PDE1C: variants seen among roughly 807,000 people sequenced by gnomAD.
The protein encoded by PDE1C is dual specificity calcium/calmodulin-dependent 3',5'-cyclic nucleotide phosphodiesterase 1C.
PDE1C carries 62 observed loss-of-function variants against 93.1 expected under a neutral mutation model. The observed-to-expected ratio is 0.67, with a 90% CI of 0.54 to 0.82. The LOEUF is 0.82. Ranked by LOEUF, PDE1C falls within the 40% of genes least tolerant of loss-of-function variation. PDE1C has a pLI of 0.00. For missense variants in PDE1C, 742 were observed against 884.6 expected (o/e 0.84, Z 2.04); for synonymous variants, 325 against 310.1 (o/e 1.05, Z -0.50).
At chr7:31,901,360 A>G (rs1027477846) in intron 2 of PDE1C, among the ~76,000 whole-genome samples, 1 of 151,524 alleles carries the variant, frequency 6.6e-6, no homozygotes, top group African/African-American at 2.4e-5. Context: ...TAACATTTAA[A>G]AATATAAAGA....
At chr7:31,924,957 T>C (rs1440051683) in intron 2 of PDE1C, among the ~76,000 whole-genome samples, 1 of 152,164 alleles carries the variant, frequency 6.6e-6, no homozygotes, top group Non-Finnish European at 1.5e-5. Flanking sequence ...ATCTCAAATA[T>C]ATGGCTCAAC....
chr7:32,011,041 T>G lies in PDE1C; in HGVS notation c.128+40513A>C, dbSNP rs550165495. 2.6e-5 allele frequency among the ~76,000 whole-genome samples: 4 copies of G among 152,270 alleles called. No individual in the cohort carries two copies. The East Asian group carries it at 7.7e-4, about 29-fold the overall frequency. The stretch of plus-strand genomic sequence containing the variant: ...AAGAAACTAATAAGCTGGACTTTAT[T>G]AAAATTAAGAATGTTATACTCTTCA... On this transcript the variant is annotated intron_variant, in intron 2 of 17. Transcript: ENST00000396191.
At position 32,193,857 on chromosome 7, in the gene PDE1C, C is replaced by T. The variant is rs1584936792; in HGVS notation, c.136+15632G>A. On this transcript the variant is annotated intron_variant, in intron 2 of 18. Transcript: ENST00000396193. Reference sequence around the variant, plus strand: ...AGAGTTATAAGGCTATTCAAATTATCTACTTCACATTGGATGAGTTTTGGT... The same window carrying T: ...AGAGTTATAAGGCTATTCAAATTATTTACTTCACATTGGATGAGTTTTGGT... 1.4e-5 allele frequency among the ~76,000 whole-genome samples: 2 copies of T among 147,380 alleles called. 1 individual carries two copies. Among genetic ancestry groups the T allele is most frequent in the South Asian group, 4.3e-4 (2 of 4,654 alleles).
intron 2 of PDE1C, among the ~76,000 whole-genome samples, chr7:32,182,057 G>T (rs557806197): frequency 6.6e-6 from 1 of 152,236 alleles, no homozygotes; most frequent in East Asian, 1.9e-4. Flanking sequence ...TAGAAGAAAT[G>T]GATAAATTCC....
At chr7:32,163,865 G>C (rs918096372) in intron 3 of PDE1C, among the ~76,000 whole-genome samples, 1 of 152,104 alleles carries the variant, frequency 6.6e-6, no homozygotes, top group Non-Finnish European at 1.5e-5. Flanking sequence ...GGGTGTAGAG[G>C]ATCAGTCTTC....
intron 17 of PDE1C, among the ~76,000 whole-genome samples, chr7:31,759,027 A>T (rs1240537015): frequency 6.6e-6 from 1 of 151,762 alleles, no homozygotes; most frequent in Non-Finnish European, 1.5e-5. Flanking sequence ...TCTCCTTGCC[A>T]CTGGAGTCAC....
chr7:31,704,152 A>G, the PDE1C span, among the ~76,000 whole-genome samples: 1 of 152,252 alleles, frequency 6.6e-6, no homozygotes, highest in Admixed American at 6.5e-5. Context: ...AGTTTGGGAC[A>G]TCGAAGATCA....
At chr7:32,039,431 G>T (rs567858152) in intron 2 of PDE1C, among the ~76,000 whole-genome samples, 62 of 152,276 alleles carry the variant, frequency 4.1e-4, no homozygotes, top group African/African-American at 1.5e-3. Flanking sequence ...GAGAATTCTT[G>T]ATTATGATCT....
chr7:31,699,594 C>A, the PDE1C span, among the ~76,000 whole-genome samples: 1 of 151,942 alleles, frequency 6.6e-6, no homozygotes, highest in Non-Finnish European at 1.5e-5. Flanking sequence ...TATAGGCCTA[C>A]CTCATTCCAT....
upstream of PDE1C, among the ~76,000 whole-genome samples, chr7:32,074,331 T>C (rs916282956): frequency 2.6e-5 from 4 of 152,318 alleles, no homozygotes; most frequent in East Asian, 7.7e-4. Flanking sequence ...TCTACCACCC[T>C]ACCAGTTTTT....
the PDE1C span, among the ~76,000 whole-genome samples, chr7:31,616,981 T>G: frequency 9.2e-5 from 14 of 152,174 alleles, no homozygotes; most frequent in African/African-American, 2.7e-4. Flanking sequence ...TTCTGCAAAT[T>G]GCCTGTTGCT....
intron 17 of PDE1C, among the ~76,000 whole-genome samples, chr7:31,769,814 T>C (rs1007743105): frequency 2.8e-4 from 42 of 152,342 alleles, no homozygotes; most frequent in African/African-American, 1.0e-3. Context: ...TCTGTCTCTA[T>C]GGATTAGCCC....
intron 3 of PDE1C, among the ~76,000 whole-genome samples, chr7:32,135,963 GCATGCAGTAA>G (rs1365216497): frequency 6.6e-6 from 1 of 152,174 alleles, no homozygotes; most frequent in Non-Finnish European, 1.5e-5. Flanking sequence ...AGACATGATA[GCATGCAGTAA>G]CATGGATGAA....
chr7:31,777,573 C>T (rs1340808732), intron 16 of PDE1C, among the ~76,000 whole-genome samples: 1 of 152,074 alleles, frequency 6.6e-6, no homozygotes, highest in African/African-American at 2.4e-5. Flanking sequence ...GTGATCCACA[C>T]ACTTCGGGCT....
At chr7:31,636,667 G>A in the PDE1C span, among the ~76,000 whole-genome samples, 35 of 151,906 alleles carry the variant, frequency 2.3e-4, no homozygotes, top group African/African-American at 8.2e-4. Flanking sequence ...TTTGTCTACT[G>A]CAGAGGGAGA....
At chr7:32,366,737 A>G (rs1784235962) in intron 1 of PDE1C, among the ~76,000 whole-genome samples, 1 of 152,170 alleles carries the variant, frequency 6.6e-6, no homozygotes, top group African/African-American at 2.4e-5. Context: ...CAGAAGCCTT[A>G]TAGGCCAGGA....
chr7:31,641,019 G>T, the PDE1C span, among the ~76,000 whole-genome samples: 1 of 152,136 alleles, frequency 6.6e-6, no homozygotes, highest in Non-Finnish European at 1.5e-5. Flanking sequence ...GGTAGCTGGG[G>T]TTTGGGCTGG....
At chr7:31,809,778 C>T (rs953764961) in intron 15 of PDE1C, among the ~76,000 whole-genome samples, 2 of 151,976 alleles carry the variant, frequency 1.3e-5, no homozygotes, top group African/African-American at 4.8e-5. Flanking sequence ...TCCTACAGGG[C>T]AATAAAACCA....
chr7:32,015,586 T>C (rs1481772321), intron 2 of PDE1C, among the ~76,000 whole-genome samples: 1 of 152,116 alleles, frequency 6.6e-6, no homozygotes, highest in East Asian at 1.9e-4. Flanking sequence ...AAACAATTTT[T>C]TGACCTTTGA....
Sources: allele counts gnomAD v4.1 joint callset (sites outside exome capture counted in the v4.1 genomes callset), GRCh38; gene constraint gnomAD v4.1.1; transcripts MANE v1.5; gene names NCBI Gene and HGNC (gene_info 2026-07-23, HGNC 2026-07-21).